Variants in PRKG1 observed in about 807,000 individuals in gnomAD.
PRKG1 encodes protein kinase cGMP-dependent 1, also known as cGMP-dependent protein kinase 1.
A neutral mutation model predicts 88.1 loss-of-function variants in PRKG1; 35 were observed. That is an observed-to-expected ratio of 0.40 (90% CI 0.30 to 0.53). The LOEUF is 0.53. PRKG1 is among the 20% of genes least tolerant of loss of function. The pLI, the probability that PRKG1 is intolerant of heterozygous loss-of-function variation, is 0.59. For synonymous variants in PRKG1, 303 were observed against 292.5 expected, an observed-to-expected ratio of 1.04 and a Z score of -0.37; for missense variants, 540 against 839.8, an observed-to-expected ratio of 0.64 and a Z score of 4.41.
intron 2 of PRKG1, among the ~76,000 whole-genome samples, chr10:51,413,609 T>C (rs1838163070): frequency 6.6e-6 from 1 of 152,110 alleles, no homozygotes; most frequent in Admixed American, 6.6e-5. Flanking sequence ...TCAGTCTGCC[T>C]CTGCCTCCCA....
At chr10:51,071,931 G>T (rs1564588430), upstream of PRKG1, among the ~76,000 whole-genome samples, 1 of 152,134 alleles carries the variant, frequency 6.6e-6, no homozygotes. Flanking sequence ...GGGCACAGTG[G>T]CTAATGCCTA....
intron 2 of PRKG1, among the ~76,000 whole-genome samples, chr10:51,236,022 C>T (rs1838978645): frequency 1.3e-5 from 2 of 152,104 alleles, no homozygotes; most frequent in South Asian, 4.1e-4. Flanking sequence ...GGTGTAGCTG[C>T]TTTGGGGTGG....
chr10:51,330,393 C>T (rs1564449189), intron 2 of PRKG1, among the ~76,000 whole-genome samples: 1 of 152,088 alleles, frequency 6.6e-6, no homozygotes, highest in Non-Finnish European at 1.5e-5. Context: ...TCAGGTGATT[C>T]ACCTGCCTTG....
chr10:52,003,001 T>A (rs549847538), intron 5 of PRKG1, among the ~76,000 whole-genome samples: 2 of 152,362 alleles, frequency 1.3e-5, no homozygotes, highest in South Asian at 4.1e-4. Context: ...TGAATCTTAT[T>A]CTGGCTGTGT....
At chr10:52,240,446 C>G (rs772172814) in intron 9 of PRKG1, among the ~76,000 whole-genome samples, 2 of 152,052 alleles carry the variant, frequency 1.3e-5, no homozygotes, top group African/African-American at 4.8e-5. Flanking sequence ...GAAAACGGAC[C>G]ATAAGTATAA....
chr10:51,881,791 G>A (rs529540433), intron 4 of PRKG1, among the ~76,000 whole-genome samples: 6 of 152,188 alleles, frequency 3.9e-5, no homozygotes, highest in African/African-American at 1.2e-4. Flanking sequence ...TATAAATATA[G>A]CATATTTGAA....
chr10:51,669,047 C>T (rs1840491450), intron 3 of PRKG1, among the ~76,000 whole-genome samples: 1 of 152,156 alleles, frequency 6.6e-6, no homozygotes, highest in African/African-American at 2.4e-5. Context: ...AATTCGCCAT[C>T]CCAATTTTTT....
At chr10:51,985,209 A>C (rs2133116943) in intron 5 of PRKG1, among the ~76,000 whole-genome samples, 1 of 152,296 alleles carries the variant, frequency 6.6e-6, no homozygotes, top group Middle Eastern at 3.4e-3. Context: ...CTTATTAGAA[A>C]GCAATAAGAA....
intron 7 of PRKG1, among the ~76,000 whole-genome samples, chr10:52,123,532 A>T (rs1459397131): frequency 6.6e-6 from 1 of 152,158 alleles, no homozygotes; most frequent in African/African-American, 2.4e-5. Context: ...TTAATAATAC[A>T]TTGACCTTTA....
chr10:51,466,896 G>A (rs1360335613), intron 2 of PRKG1, among the ~76,000 whole-genome samples: 6 of 152,000 alleles, frequency 3.9e-5, no homozygotes, highest in Non-Finnish European at 8.8e-5. Flanking sequence ...GAGAAAAATA[G>A]GAGAGGAGAA....
intron 1 of PRKG1, among the ~76,000 whole-genome samples, chr10:51,003,225 G>T (rs1273957125): frequency 6.6e-6 from 1 of 152,066 alleles, no homozygotes; most frequent in African/African-American, 2.4e-5. Flanking sequence ...CACCTAGCCT[G>T]CATTGGACAT....
chr10:51,748,763 A>G (rs1272792021), intron 3 of PRKG1, among the ~76,000 whole-genome samples: 1 of 152,224 alleles, frequency 6.6e-6, no homozygotes, highest in Admixed American at 6.5e-5. Context: ...AGGTATCTTT[A>G]TGCAGATTTA....
intron 2 of PRKG1, among the ~76,000 whole-genome samples, chr10:51,253,302 T>C (rs1839472841): frequency 6.6e-6 from 1 of 151,896 alleles, no homozygotes; most frequent in South Asian, 2.1e-4. Context: ...TTACCAGAGG[T>C]TAGAAAACTA....
chr10:52,085,207 A>G (rs1846880931), intron 7 of PRKG1, among the ~76,000 whole-genome samples: 1 of 151,698 alleles, frequency 6.6e-6, no homozygotes, highest in Non-Finnish European at 1.5e-5. Flanking sequence ...CTGTAAGGAA[A>G]CTCTTAAAGA....
chr10:52,210,153 C>G (rs1839929742), intron 9 of PRKG1, among the ~76,000 whole-genome samples: 1 of 152,054 alleles, frequency 6.6e-6, no homozygotes, highest in Non-Finnish European at 1.5e-5. Flanking sequence ...ATGGTAGCTA[C>G]TATCATCATT....
intron 9 of PRKG1, among the ~76,000 whole-genome samples, chr10:52,216,899 AG>A (rs1840125706): frequency 6.6e-6 from 1 of 152,186 alleles, no homozygotes; most frequent in East Asian, 1.9e-4. Flanking sequence ...TTTACTAGGC[AG>A]ACAATTCTGT....
chr10:51,709,660 G>T (rs1841694356), intron 3 of PRKG1, among the ~76,000 whole-genome samples: 1 of 152,202 alleles, frequency 6.6e-6, no homozygotes, highest in Admixed American at 6.5e-5. Context: ...GGAGAATAAA[G>T]AAAGTGCCAA....
chr10:52,099,511 C>T (rs1404396353), intron 7 of PRKG1, among the ~76,000 whole-genome samples: 1 of 152,174 alleles, frequency 6.6e-6, no homozygotes, highest in East Asian at 1.9e-4. Context: ...ATTGTGGATC[C>T]TCTTTTCTCT....
chr10:52,092,077 C>T lies in PRKG1; in HGVS notation c.935+29446C>T, dbSNP rs553909864. On this transcript the variant is annotated intron_variant, in intron 7 of 17. Coordinates refer to ENST00000373980, the MANE Select transcript of PRKG1 (RefSeq NM_006258.4). Reference sequence around the variant, plus strand: ...GTGAGCATGAGCACTTAGTATTTAACTTGTGGTTCCTATATTAAACCCAGT... The same window carrying T: ...GTGAGCATGAGCACTTAGTATTTAATTTGTGGTTCCTATATTAAACCCAGT... Among the ~76,000 whole-genome samples the T allele has an allele frequency of 3.9e-5, 6 of 152,064 alleles. No individual in the cohort carries two copies. In the South Asian group the frequency reaches 1.2e-3, roughly 32 times the overall value.
Sources: gnomAD v4.1 joint callset for allele counts (sites outside exome capture counted in the v4.1 genomes callset) on GRCh38, gnomAD v4.1.1 for gene constraint, MANE v1.5 for transcripts, NCBI Gene and HGNC (gene_info 2026-07-23, HGNC 2026-07-21) for gene names.